CMTR1: variants seen among roughly 807,000 people sequenced by gnomAD.
CMTR1 encodes cap-specific mRNA (nucleoside-2'-O-)-methyltransferase 1.
CMTR1 carries 39 observed loss-of-function variants against 107.0 expected under a neutral mutation model. The ratio of observed to expected loss-of-function variants is 0.36; its 90% CI spans 0.28 to 0.48. CMTR1 has a LOEUF of 0.48. CMTR1 is among the 20% of genes least tolerant of loss of function. CMTR1 has a pLI of 0.99. For synonymous variants in CMTR1, 366 were observed against 379.5 expected (o/e 0.96, Z 0.41); for missense variants, 672 against 1,064.9 (o/e 0.63, Z 5.14).
chr6:37,433,546 A>C (rs1348142800), intron 1 of CMTR1, among the ~76,000 whole-genome samples, 169 bp downstream of exon 1: 1 of 152,092 alleles, frequency 6.6e-6, no homozygotes, highest in Non-Finnish European at 1.5e-5. Flanking sequence ...GGCTCCCTGG[A>C]GCCCGAGCTG....
rs561677760 is a variant in CMTR1, at chr6:37,435,778, T to G, written c.133+16T>G. On this transcript the variant is annotated intron_variant, in intron 2 of 23. Transcript: ENST00000373451. ...GGAGCAAAAGGTACGTGTGCTTGTG[T>G]GGTCTGAGGCCACTGGCCATCTGGT... The G allele has an allele frequency of 6.4e-7, 1 of 1,569,000 alleles. No homozygotes were observed. The highest frequency in any genetic ancestry group is 1.2e-5 in the South Asian group (1 of 83,134).
chr6:37,479,381 G>A (rs1345259269), intron 23 of CMTR1, 126 bp downstream of exon 23: 1 of 709,550 alleles, frequency 1.4e-6, no homozygotes, highest in African/African-American at 1.8e-5. Flanking sequence ...GTTCCCCTGA[G>A]CACAGGCCTG....
At chr6:37,466,112 T>G (rs899998063) in intron 13 of CMTR1, among the ~76,000 whole-genome samples, 2 of 125,908 alleles carry the variant, frequency 1.6e-5, no homozygotes, top group Non-Finnish European at 3.0e-5. Context: ...TTTACAGTTT[T>G]TGTTTTTTTT....
At chr6:37,424,283 C>T in the CMTR1 span, among the ~76,000 whole-genome samples, 1 of 151,468 alleles carries the variant, frequency 6.6e-6, no homozygotes, top group Non-Finnish European at 1.5e-5. Flanking sequence ...CCCTTTGTCG[C>T]CCAGGCTGGA....
At chr6:37,462,148 C>T (rs768422988) in intron 12 of CMTR1, 46 bp downstream of exon 12, 3 of 1,607,794 alleles carry the variant, frequency 1.9e-6, no homozygotes, top group Non-Finnish European at 1.7e-6. Flanking sequence ...GGCTAAATGT[C>T]AGAACAGCAA....
intron 4 of CMTR1, 136 bp downstream of exon 4, chr6:37,446,585 T>A: frequency 1.0e-6 from 1 of 976,012 alleles, no homozygotes; most frequent in Non-Finnish European, 1.5e-6. Context: ...ACGTGGAAAG[T>A]ACTGGGGATA....
chr6:37,477,677 A>T, intron 21 of CMTR1, 38 bp downstream of exon 21: 2 of 1,358,272 alleles, frequency 1.5e-6, no homozygotes, highest in Non-Finnish European at 2.0e-6. Flanking sequence ...ATTCAAGAGG[A>T]GGTGGGGGTG....
rs576768936 is a variant in CMTR1, at chr6:37,480,547, C to A, written c.*402C>A. ...ATGCACTGCCCTGAGGGTAGCCATG[C>A]CCTTGCTTTGCCCAACTTTTTATTG... On this transcript the variant is annotated 3_prime_UTR_variant, in exon 24 of 24. Coordinates refer to ENST00000373451, the MANE Select transcript of CMTR1 (RefSeq NM_015050.3). 2 of 1,048,988 alleles carry A rather than the reference C, an allele frequency of 1.9e-6. No individual in the cohort carries two copies. The highest frequency in any genetic ancestry group is 1.0e-4 in the East Asian group (1 of 10,046). 65.0% of individuals were successfully genotyped at this position (1,048,988 alleles called of 1,614,324 possible). A position where few individuals can be genotyped will look rare whatever the true frequency, so the allele number is the denominator to read the frequency against.
intron 8 of CMTR1, 89 bp downstream of exon 8, chr6:37,453,401 A>C (rs921111111): frequency 1.7e-6 from 2 of 1,200,600 alleles, no homozygotes; most frequent in Non-Finnish European, 2.5e-6. Context: ...CAATGCTAGG[A>C]GAGTATTCTG....
chr6:37,425,840 C>A, the CMTR1 span, among the ~76,000 whole-genome samples: 1 of 152,080 alleles, frequency 6.6e-6, no homozygotes, highest in Non-Finnish European at 1.5e-5. Flanking sequence ...TCTTTATATT[C>A]ATCAATTTTG....
intron 2 of CMTR1, among the ~76,000 whole-genome samples, chr6:37,435,974 A>G (rs1305331975): frequency 6.6e-6 from 1 of 152,146 alleles, no homozygotes. Flanking sequence ...AAAAAATGGT[A>G]ATTTTTCCAG....
At position 37,472,351 on chromosome 6, in the gene CMTR1, A is replaced by C. The variant is rs573395461; in HGVS notation, c.1621-68A>C. The C allele has an allele frequency of 3.6e-4, 519 of 1,422,866 alleles. 1 individual carries two copies. The African/African-American group carries it at 6.0e-3, about 16-fold the overall frequency. The allele number at this position is 1,422,866 out of a possible 1,614,324, so 88.1% of individuals were successfully genotyped here. ...GTCTGACCCTATCTCCTCCACCTGC[A>C]TATACTCATACACGGTCTTGGTCAA... On this transcript the variant is annotated intron_variant, in intron 15 of 23. Coordinates refer to ENST00000373451, the MANE Select transcript of CMTR1 (RefSeq NM_015050.3). The surrounding 1 kb of genome is among the most constrained non-coding windows in gnomAD (Gnocchi z 4.1).
intron 21 of CMTR1, among the ~76,000 whole-genome samples, chr6:37,477,904 C>T (rs759511365): frequency 2.6e-5 from 4 of 152,204 alleles, no homozygotes; most frequent in Non-Finnish European, 5.9e-5. Context: ...GTCATAGTTA[C>T]GATGGGCCCT....
intron 8 of CMTR1, among the ~76,000 whole-genome samples, chr6:37,457,138 T>G (rs1245862969): frequency 6.6e-6 from 1 of 150,758 alleles, no homozygotes; most frequent in Non-Finnish European, 1.5e-5. Flanking sequence ...GAGGATTGCC[T>G]GAGCTCAGGA....
Position 37,480,838 on chromosome 6 carries a change from C to T in CMTR1, c.*693C>T, listed in dbSNP as rs760162540. ...ATTGAGATCCTGGGAGCCCTCTTTTCGTACTGAGTATGGAGTTGTAGAGCC... is the reference window on the plus strand; with the variant it reads ...ATTGAGATCCTGGGAGCCCTCTTTTTGTACTGAGTATGGAGTTGTAGAGCC... On this transcript the variant is annotated 3_prime_UTR_variant, in exon 24 of 24. Coordinates refer to ENST00000373451, the MANE Select transcript of CMTR1 (RefSeq NM_015050.3). 2.0e-5 allele frequency: 23 copies of T among 1,149,672 alleles called. No homozygotes were observed. Among genetic ancestry groups the T allele is most frequent in the Non-Finnish European group, 2.3e-5 (21 of 923,228 alleles). 71.2% of individuals were successfully genotyped at this position (1,149,672 alleles called of 1,614,324 possible). A position where few individuals can be genotyped will look rare whatever the true frequency, so the allele number is the denominator to read the frequency against.
At chr6:37,432,423 G>A (rs532296188), upstream of CMTR1, among the ~76,000 whole-genome samples, 2 of 152,210 alleles carry the variant, frequency 1.3e-5, no homozygotes, top group South Asian at 4.1e-4. Flanking sequence ...ACAGTCACGG[G>A]AGTTTGGAGT....
Position 37,453,140 on chromosome 6 carries a change from A to G in CMTR1, c.703A>G (p.Arg235Gly). ...GATCCGAGGAGTCTTCTTTCTAAACAGGTTTGCTGACATTTCCCTCCCCTC... is the reference window on the plus strand; with the variant it reads ...GATCCGAGGAGTCTTCTTTCTAAACGGGTTTGCTGACATTTCCCTCCCCTC... ...EMIRGVFFLN[R>G]AAMKMANMDF... The change falls in exon 7 of 24, where the codon AGG (arginine) becomes GGG (glycine). Residue 235 changes from arginine (R) to glycine (G), a missense_variant and splice_region_variant. Physicochemically the swap from Arg to Gly is moderately radical, Grantham distance 125. Transcript: ENST00000373451. 6.2e-7 allele frequency: 1 copy of G among 1,614,140 alleles called. No homozygotes were observed. Among genetic ancestry groups the G allele is most frequent in the Non-Finnish European group, 8.5e-7 (1 of 1,179,994 alleles).
At chr6:37,444,189 A>C (rs780723129) in intron 3 of CMTR1, 39 bp downstream of exon 3, 2 of 1,596,210 alleles carry the variant, frequency 1.3e-6, no homozygotes, top group Non-Finnish European at 1.7e-6. Context: ...AAGCCCCACC[A>C]GCAGAGTGAA....
chr6:37,475,738 C>A (rs764328255), intron 19 of CMTR1: 2 of 492,626 alleles, frequency 4.1e-6, no homozygotes, highest in East Asian at 7.5e-5. Flanking sequence ...GAAGAAATAT[C>A]CTGTGCTTGA....
Sources: gnomAD v4.1 joint callset for allele counts (sites outside exome capture counted in the v4.1 genomes callset) on GRCh38, gnomAD v4.1.1 for gene constraint, Gnocchi (gnomAD v3.1) non-coding constraint, MANE v1.5 for transcripts, NCBI Gene and HGNC (gene_info 2026-07-23, HGNC 2026-07-21) for gene names.